Variants in WWOX observed in about 807,000 individuals in gnomAD.
The protein encoded by WWOX is WW domain-containing oxidoreductase.
WWOX carries 69 observed loss-of-function variants against 46.2 expected under a neutral mutation model. That is an observed-to-expected ratio of 1.49 (90% CI 1.23 to 1.82). The LOEUF (loss-of-function observed/expected upper bound fraction) is 1.82. Ranked by LOEUF, WWOX falls within the 40% of genes most tolerant of loss-of-function variation. The pLI, the probability that WWOX is intolerant of heterozygous loss-of-function variation, is 0.00. For missense variants in WWOX, 919 were observed against 542.6 expected, an observed-to-expected ratio of 1.69 and a Z score of -6.89; for synonymous variants, 359 against 202.6, an observed-to-expected ratio of 1.77 and a Z score of -6.56.
chr16:79,133,783 T>C (rs1352682661), intron 8 of WWOX, among the ~76,000 whole-genome samples: 1 of 152,192 alleles, frequency 6.6e-6, no homozygotes, highest in African/African-American at 2.4e-5. Flanking sequence ...ACTAGGCGTA[T>C]AGAATTGAGG....
At chr16:78,443,035 C>A (rs1459977017) in intron 8 of WWOX, among the ~76,000 whole-genome samples, 1 of 149,098 alleles carries the variant, frequency 6.7e-6, no homozygotes, top group Non-Finnish European at 1.5e-5. Context: ...ACTCAGGAGG[C>A]TAAGGCAGGA....
chr16:78,665,277 T>A (rs189972450), intron 8 of WWOX, among the ~76,000 whole-genome samples: 1 of 152,084 alleles, frequency 6.6e-6, no homozygotes, highest in Non-Finnish European at 1.5e-5. Context: ...CCTAAGGGAG[T>A]GTAGAGAAGA....
chr16:78,766,647 T>G (rs1719670215), intron 8 of WWOX, among the ~76,000 whole-genome samples: 1 of 152,170 alleles, frequency 6.6e-6, no homozygotes. Flanking sequence ...TCTCCAAAGT[T>G]TTTAAGACAA....
chr16:79,185,134 G>T (rs551332111), intron 8 of WWOX, among the ~76,000 whole-genome samples: 1 of 152,280 alleles, frequency 6.6e-6, no homozygotes, highest in South Asian at 2.1e-4. Flanking sequence ...AATGGCTGAG[G>T]GGGAGAGGCC....
chr16:78,278,575 AC>A (rs2079619582), intron 5 of WWOX: 1 of 1,596,172 alleles, frequency 6.3e-7, no homozygotes, highest in Non-Finnish European at 8.6e-7. Flanking sequence ...TTAATTTTAC[AC>A]AACTGTCTTT....
chr16:78,479,018 C>G (rs771000145), intron 8 of WWOX, among the ~76,000 whole-genome samples: 24 of 152,086 alleles, frequency 1.6e-4, no homozygotes, highest in Admixed American at 1.4e-3. Flanking sequence ...ATTGCCATGA[C>G]TGTAGGAATC....
At chr16:79,046,614 G>A (rs1797919683) in intron 8 of WWOX, among the ~76,000 whole-genome samples, 1 of 152,152 alleles carries the variant, frequency 6.6e-6, no homozygotes, top group African/African-American at 2.4e-5. Flanking sequence ...CCAGTACACA[G>A]AAAAACAAAG....
At chr16:78,891,026 C>G (rs1345009134) in intron 8 of WWOX, 2 of 152,084 alleles carry the variant, frequency 1.3e-5, no homozygotes, top group East Asian at 3.9e-4. Flanking sequence ...GTTGCCTTTC[C>G]TAAATCCCTC....
chr16:79,068,251 G>T (rs1011748509), intron 8 of WWOX, among the ~76,000 whole-genome samples: 3 of 152,172 alleles, frequency 2.0e-5, no homozygotes, highest in Admixed American at 1.3e-4. Context: ...GCCTAAGAAT[G>T]CCATGACTGT....
intron 5 of WWOX, among the ~76,000 whole-genome samples, chr16:78,357,267 A>G (rs772051597): frequency 4.3e-4 from 65 of 152,204 alleles, no homozygotes; most frequent in Non-Finnish European, 7.6e-4. Context: ...ACTAGCACAA[A>G]GAACATGCTA....
intron 8 of WWOX, among the ~76,000 whole-genome samples, chr16:78,985,848 A>G (rs2046774516): frequency 6.6e-6 from 1 of 152,246 alleles, no homozygotes; most frequent in African/African-American, 2.4e-5. Flanking sequence ...AGGAGTGTAG[A>G]AGTTGCAGCT....
At chr16:78,275,141 T>C (rs1204498976) in intron 5 of WWOX, among the ~76,000 whole-genome samples, 1 of 152,178 alleles carries the variant, frequency 6.6e-6, no homozygotes, top group Non-Finnish European at 1.5e-5. Context: ...AAAGAGAAGA[T>C]GTAATTATAA....
At position 78,321,298 on chromosome 16, in the gene WWOX, ATATACGTATATATATG is replaced by A. The variant is rs1289636670; in HGVS notation, c.517-65561_517-65546del. Among the ~76,000 whole-genome samples, 26 of 89,038 alleles carry A rather than the reference ATATACGTATATATATG, an allele frequency of 2.9e-4. 2 individuals are homozygous for A. The highest frequency in any genetic ancestry group is 0.016 in the Middle Eastern group (2 of 126). The allele number at this position is 89,038 out of a possible 152,430, so 58.4% of individuals were successfully genotyped here. A position where few individuals can be genotyped will look rare whatever the true frequency, so the allele number is the denominator to read the frequency against. On this transcript the variant is annotated intron_variant, in intron 5 of 8. Transcript: ENST00000566780. ...TTTAAATATATATATATACGTATAT[ATATACGTATATATATG>A]CGTATATATATACGTATATATGCGT...
intron 5 of WWOX, among the ~76,000 whole-genome samples, chr16:78,266,229 A>T (rs974611867): frequency 6.6e-6 from 1 of 152,246 alleles, no homozygotes; most frequent in Non-Finnish European, 1.5e-5. Context: ...GTTTTATTAC[A>T]TGTAAAAATT....
At chr16:78,124,633 A>G (rs1013430183) in intron 4 of WWOX, among the ~76,000 whole-genome samples, 2 of 152,178 alleles carry the variant, frequency 1.3e-5, no homozygotes, top group Non-Finnish European at 2.9e-5. Flanking sequence ...ATAACGGTAC[A>G]TTTCATGAAG....
rs1191513415 is a variant in WWOX at position 78,262,137 on chromosome 16, A to G, written c.516+97848A>G. On this transcript the variant is annotated intron_variant, in intron 5 of 8. Coordinates refer to ENST00000566780, the MANE Select transcript of WWOX (RefSeq NM_016373.4). The stretch of plus-strand genomic sequence containing the variant: ...AAAAAAAAGAAGGAAAGAGGGAAAT[A>G]TACATCCTCCTATCCAGGGTGAATT... Among the ~76,000 whole-genome samples the G allele has an allele frequency of 2.0e-5, 3 of 148,286 alleles. No individual in the cohort carries two copies. The East Asian group carries it at 6.2e-4, about 30-fold the overall frequency.
At chr16:78,548,573 C>A (rs1476397709) in intron 8 of WWOX, among the ~76,000 whole-genome samples, 1 of 152,164 alleles carries the variant, frequency 6.6e-6, no homozygotes. Flanking sequence ...CTTTCACTTC[C>A]CATCAATTTA....
rs2079921261 is a variant in WWOX at position 78,295,043 on chromosome 16, C to T, written c.517-91817C>T. 2.6e-5 allele frequency among the ~76,000 whole-genome samples: 4 copies of T among 152,132 alleles called. No individual in the cohort carries two copies. The South Asian group carries it at 8.3e-4, about 32-fold the overall frequency. Reference sequence around the variant, plus strand: ...TTGTCCCCTGCCCAGGACAGGCTCACCCTGGCCTGTGTCCTAGGTATTGTG... The same window carrying T: ...TTGTCCCCTGCCCAGGACAGGCTCATCCTGGCCTGTGTCCTAGGTATTGTG... On this transcript the variant is annotated intron_variant, in intron 5 of 8. Coordinates refer to ENST00000566780, the MANE Select transcript of WWOX (RefSeq NM_016373.4).
At chr16:78,180,952 G>A (rs2035514184) in intron 5 of WWOX, among the ~76,000 whole-genome samples, 1 of 152,096 alleles carries the variant, frequency 6.6e-6, no homozygotes, top group South Asian at 2.1e-4. Flanking sequence ...TGATGGTAGG[G>A]TTTTGGAGGT....
Sources: allele counts gnomAD v4.1 joint callset (sites outside exome capture counted in the v4.1 genomes callset), GRCh38; gene constraint gnomAD v4.1.1; transcripts MANE v1.5; gene names NCBI Gene and HGNC (gene_info 2026-07-23, HGNC 2026-07-21).